LRP1B: variants seen among roughly 807,000 people sequenced by gnomAD.
The protein encoded by LRP1B is LDL receptor related protein 1B, also known as low-density lipoprotein receptor-related protein 1B.
A neutral mutation model predicts 556.6 loss-of-function variants in LRP1B; 217 were observed. That is an observed-to-expected ratio of 0.39 (90% CI 0.35 to 0.44). The LOEUF (loss-of-function observed/expected upper bound fraction) is 0.44. Among genes scored for constraint, LRP1B ranks in the 20% least tolerant of loss-of-function variants. The probability of loss-of-function intolerance (pLI) is 1.00; values close to 1 mark genes in which losing one functional copy is unlikely to be tolerated. For missense variants in LRP1B, 5,053 were observed against 5,620.8 expected, an observed-to-expected ratio of 0.90 and a Z score of 3.23; for synonymous variants, 2,047 against 1,865.8, an observed-to-expected ratio of 1.10 and a Z score of -2.50.
chr2:140,444,006 A>C (rs1686542185), intron 65 of LRP1B, among the ~76,000 whole-genome samples: 1 of 152,208 alleles, frequency 6.6e-6, no homozygotes, highest in African/African-American at 2.4e-5. Context: ...TATCTACTTA[A>C]TATGGGCAAA....
At chr2:140,355,331 T>C (rs947824703) in intron 75 of LRP1B, among the ~76,000 whole-genome samples, 1 of 151,864 alleles carries the variant, frequency 6.6e-6, no homozygotes, top group African/African-American at 2.4e-5. Context: ...ATAAATACCA[T>C]AGTTTGAAAG....
intron 5 of LRP1B, among the ~76,000 whole-genome samples, chr2:141,239,537 G>C (rs1373510753): frequency 1.3e-5 from 2 of 152,026 alleles, no homozygotes; most frequent in African/African-American, 4.8e-5. Context: ...AAGAAATAAA[G>C]AAGACAATTA....
chr2:141,700,316 A>AT (rs545967291), intron 2 of LRP1B, among the ~76,000 whole-genome samples: 91 of 151,772 alleles, frequency 6.0e-4, no homozygotes, highest in African/African-American at 2.1e-3. Flanking sequence ...TGCCTTGTCT[A>AT]TTTTTTTACT....
intron 84 of LRP1B, among the ~76,000 whole-genome samples, chr2:140,295,437 T>C (rs1032561355): frequency 3.3e-5 from 5 of 152,344 alleles, no homozygotes; most frequent in Admixed American, 2.6e-4. Context: ...AGAGGCAAGA[T>C]ACTAAGTGTT....
chr2:141,580,689 G>GCCAATTTTAGACATTCTTAAAGAAAGGAA (rs1686933003), intron 2 of LRP1B, among the ~76,000 whole-genome samples: 1 of 152,180 alleles, frequency 6.6e-6, no homozygotes, highest in East Asian at 1.9e-4. Context: ...TCTGTTACAG[G>GCCAATTTTAGACATTCTTAAAGAAAGGAA]TTTCCCGAAC....
intron 35 of LRP1B, among the ~76,000 whole-genome samples, chr2:140,720,127 T>C (rs1687350512): frequency 6.6e-6 from 1 of 152,004 alleles, no homozygotes; most frequent in Non-Finnish European, 1.5e-5. Context: ...TTTCCAAATA[T>C]ATTTCTTAAG....
chr2:140,435,963 T>C (rs1168839629), intron 66 of LRP1B, among the ~76,000 whole-genome samples: 3 of 151,648 alleles, frequency 2.0e-5, no homozygotes, highest in Non-Finnish European at 4.4e-5. Context: ...ACATACACAC[T>C]CTCTTCCTTT....
chr2:141,474,548 G>A (rs561202505), intron 3 of LRP1B, among the ~76,000 whole-genome samples: 5 of 152,154 alleles, frequency 3.3e-5, no homozygotes, highest in Non-Finnish European at 5.9e-5. Flanking sequence ...TAGATTATGA[G>A]TGGATTAAGA....
chr2:142,043,020 T>C (rs1028780047), intron 1 of LRP1B, among the ~76,000 whole-genome samples: 6 of 151,566 alleles, frequency 4.0e-5, no homozygotes, highest in East Asian at 3.9e-4. Flanking sequence ...AGGGACACCA[T>C]TGTTTTATGT....
chr2:141,167,062 ATTTTT>A (rs1359066630), intron 7 of LRP1B, among the ~76,000 whole-genome samples: 1 of 151,710 alleles, frequency 6.6e-6, no homozygotes, highest in Non-Finnish European at 1.5e-5. Flanking sequence ...CTTATTTTTT[ATTTTT>A]TTATTTTCTA....
chr2:140,492,359 A>C (rs1688737321), intron 57 of LRP1B, among the ~76,000 whole-genome samples: 1 of 152,208 alleles, frequency 6.6e-6, no homozygotes, highest in African/African-American at 2.4e-5. Context: ...TAGAAAAATG[A>C]GAAATAACCT....
chr2:141,763,549 C>T (rs956042414), intron 2 of LRP1B, among the ~76,000 whole-genome samples: 1 of 152,032 alleles, frequency 6.6e-6, no homozygotes, highest in Non-Finnish European at 1.5e-5. Context: ...GCCTTAATGA[C>T]GGTCAGTGAT....
intron 2 of LRP1B, among the ~76,000 whole-genome samples, chr2:141,754,220 G>T (rs889580484): frequency 4.0e-5 from 6 of 151,362 alleles, no homozygotes; most frequent in African/African-American, 9.7e-5. Flanking sequence ...TCTCATTTTT[G>T]ACCTCTAACA....
intron 2 of LRP1B, among the ~76,000 whole-genome samples, chr2:141,767,566 C>T (rs1034784106): frequency 6.6e-6 from 1 of 151,990 alleles, no homozygotes; most frequent in Admixed American, 6.6e-5. Context: ...CTATCCTGCT[C>T]TTAATTTTAT....
chr2:142,063,201 C>T lies in LRP1B; in HGVS notation c.82+67447G>A, dbSNP rs193197469. On this transcript the variant is annotated intron_variant, in intron 1 of 90. Transcript: ENST00000389484. ...CATGAAATTAAATGTACAATTATTT[C>T]CCCCCATTTTTCAATATAAAACTAA... Among the ~76,000 whole-genome samples the T allele has an allele frequency of 2.3e-3, 344 of 151,548 alleles. 1 individual carries two copies. Among genetic ancestry groups the T allele is most frequent in the Middle Eastern group, 6.9e-3 (2 of 290 alleles).
chr2:140,631,272 A>G (rs1288718749), intron 41 of LRP1B, among the ~76,000 whole-genome samples: 1 of 152,222 alleles, frequency 6.6e-6, no homozygotes, highest in African/African-American at 2.4e-5. Context: ...AATTTGCATG[A>G]CATGCTAAAA....
At chr2:141,359,213 A>G (rs1040361255) in intron 3 of LRP1B, among the ~76,000 whole-genome samples, 1 of 151,500 alleles carries the variant, frequency 6.6e-6, no homozygotes, top group Non-Finnish European at 1.5e-5. Flanking sequence ...ACATAACCAA[A>G]CAAACCCAGA....
Position 140,887,547 on chromosome 2 carries a change from A to G in LRP1B, c.3767-1212T>C, listed in dbSNP as rs182739376. 2.5e-3 allele frequency among the ~76,000 whole-genome samples: 388 copies of G among 152,278 alleles called. 10 individuals carry two copies. Among genetic ancestry groups the G allele is most frequent in the Admixed American group, 0.024 (368 of 15,298 alleles). ...TATAGACTTAAATGTAAGAGCAGCA[A>G]AAATTCCAGTTCTAGTTGAACACCC... On this transcript the variant is annotated intron_variant, in intron 23 of 90. Coordinates refer to ENST00000389484, the MANE Select transcript of LRP1B (RefSeq NM_018557.3).
intron 1 of LRP1B, among the ~76,000 whole-genome samples, chr2:142,007,038 A>AT (rs1176597197): frequency 2.6e-5 from 4 of 152,210 alleles, no homozygotes; most frequent in Admixed American, 2.6e-4. Flanking sequence ...AAAAATCAGA[A>AT]TAAAAACTGG....
Sources: allele counts gnomAD v4.1 joint callset (sites outside exome capture counted in the v4.1 genomes callset), GRCh38; gene constraint gnomAD v4.1.1; transcripts MANE v1.5; gene names NCBI Gene and HGNC (gene_info 2026-07-23, HGNC 2026-07-21).